The following MEIS1 variants were observed in gnomAD, a reference collection of about 807,000 sequenced individuals.
MEIS1 encodes the protein Meis homeobox 1.
MEIS1 carries 5 observed loss-of-function variants against 50.8 expected under a neutral mutation model. The observed-to-expected ratio is 0.10, with a 90% CI of 0.05 to 0.21. The LOEUF (loss-of-function observed/expected upper bound fraction) is 0.21, where lower values mean the gene tolerates loss of function less well. Ranked by LOEUF, MEIS1 falls within the 10% of genes least tolerant of loss-of-function variation. The pLI, the probability that MEIS1 is intolerant of heterozygous loss-of-function variation, is 1.00. For missense variants in MEIS1, 318 were observed against 517.3 expected, an observed-to-expected ratio of 0.61 and a Z score of 3.74; for synonymous variants, 176 against 179.3, an observed-to-expected ratio of 0.98 and a Z score of 0.15.
At chr2:66,474,141 T>C (rs1672833871) in intron 7 of MEIS1, among the ~76,000 whole-genome samples, 1 of 152,166 alleles carries the variant, frequency 6.6e-6, no homozygotes, top group African/African-American at 2.4e-5. Flanking sequence ...TACGTGGATG[T>C]AGAACACATG....
chr2:66,465,537 C>G (rs975193794), intron 7 of MEIS1, among the ~76,000 whole-genome samples: 1 of 152,142 alleles, frequency 6.6e-6, no homozygotes, highest in African/African-American at 2.4e-5. Flanking sequence ...TAAAGCCCTA[C>G]TTTCATAACT....
At chr2:66,441,121 T>G in intron 4 of MEIS1, 5 of 403,096 alleles carry the variant, frequency 1.2e-5, no homozygotes, top group Admixed American at 4.4e-5. Flanking sequence ...TTGTGGCCCT[T>G]TTGGGGTGGG....
chr2:66,569,391 AGC>A (rs1675429364), intron 12 of MEIS1: 2 of 278,308 alleles, frequency 7.2e-6, no homozygotes, highest in East Asian at 7.3e-5. Flanking sequence ...CAAAACAAGA[AGC>A]AGTCAGGAGG....
At chr2:66,455,031 A>G (rs573831779) in intron 6 of MEIS1, among the ~76,000 whole-genome samples, 1 of 152,310 alleles carries the variant, frequency 6.6e-6, no homozygotes, top group East Asian at 1.9e-4. Context: ...TGGAGTCATT[A>G]AAGTCAGTAA....
At chr2:66,514,139 G>GC (rs1252940131) in intron 8 of MEIS1, among the ~76,000 whole-genome samples, 1 of 152,106 alleles carries the variant, frequency 6.6e-6, no homozygotes, top group East Asian at 1.9e-4. Flanking sequence ...GATTTCTTCA[G>GC]CCCCCATCTC....
chr2:66,471,380 C>T (rs1672757365), intron 7 of MEIS1, among the ~76,000 whole-genome samples: 1 of 152,038 alleles, frequency 6.6e-6, no homozygotes, highest in African/African-American at 2.4e-5. Context: ...TTCTGCTTTC[C>T]CTTTGGTTTG....
At chr2:66,500,232 T>G (rs1430029368) in intron 7 of MEIS1, among the ~76,000 whole-genome samples, 1 of 152,188 alleles carries the variant, frequency 6.6e-6, no homozygotes, top group Non-Finnish European at 1.5e-5. Context: ...CTTGGCTGTA[T>G]GTTATAATCA....
At chr2:66,474,353 TAAC>T (rs1672839296) in intron 7 of MEIS1, among the ~76,000 whole-genome samples, 2 of 152,090 alleles carry the variant, frequency 1.3e-5, no homozygotes, top group African/African-American at 4.8e-5. Flanking sequence ...GTAGCAAGGG[TAAC>T]TATGCTACCC....
intron 9 of MEIS1, among the ~76,000 whole-genome samples, chr2:66,563,457 A>G (rs984604194): frequency 6.6e-6 from 1 of 152,210 alleles, no homozygotes; most frequent in African/African-American, 2.4e-5. Flanking sequence ...TAGGATTAAG[A>G]TAACTATTTT....
Position 66,439,873 on chromosome 2 carries a change from T to C in MEIS1, c.270T>C (p.Ile90=). The C allele has an allele frequency of 1.2e-6, 2 of 1,613,658 alleles. No individual in the cohort carries two copies. The highest frequency in any genetic ancestry group is 1.7e-6 in the Non-Finnish European group (2 of 1,179,820). The change falls in exon 3 of 13, where the codon ATT becomes ATC. Residue 90 remains isoleucine, a synonymous_variant. Coordinates refer to ENST00000272369, the MANE Select transcript of MEIS1 (RefSeq NM_002398.3). ...CCCTCTTCCCTCTCTTAGCACTGAT[T>C]TTTGAGAAATGTGAATTAGCTACTT... ...GHPLFPLLAL[I]FEKCELATCT...
intron 8 of MEIS1, among the ~76,000 whole-genome samples, chr2:66,537,101 G>A (rs1439993199): frequency 2.6e-5 from 4 of 152,140 alleles, no homozygotes; most frequent in African/African-American, 9.7e-5. Context: ...TCTGTTAGCT[G>A]GGCTTCAATC....
intron 8 of MEIS1, among the ~76,000 whole-genome samples, chr2:66,530,071 C>T (rs1386897146): frequency 1.3e-5 from 2 of 152,016 alleles, no homozygotes; most frequent in Non-Finnish European, 2.9e-5. Context: ...CTGCTATTCT[C>T]CTCCTGGATC....
At chr2:66,542,766 G>A (rs958972870) in intron 8 of MEIS1, among the ~76,000 whole-genome samples, 4 of 152,290 alleles carry the variant, frequency 2.6e-5, no homozygotes, top group African/African-American at 7.2e-5. Context: ...AGTGGCCAAG[G>A]TGGTGAGGGA....
rs1675518278 is a variant in MEIS1, at chr2:66,573,459, A to C, written c.*2251A>C. 1 of 152,196 alleles carries C rather than the reference A, an allele frequency of 6.6e-6. No individual in the cohort carries two copies. Among genetic ancestry groups the C allele is most frequent in the South Asian group, 2.1e-4 (1 of 4,822 alleles). 9.4% of individuals were successfully genotyped at this position (152,196 alleles called of 1,614,324 possible). On this transcript the variant is annotated 3_prime_UTR_variant, in exon 13 of 13. Coordinates refer to ENST00000272369, the MANE Select transcript of MEIS1 (RefSeq NM_002398.3). The stretch of plus-strand genomic sequence containing the variant: ...TCGGAGGAGAGAGAGCCTTAAACTC[A>C]AGTCTGACATTCAGGCCCAAGTCAC...
At chr2:66,472,296 C>T (rs1025415911) in intron 7 of MEIS1, among the ~76,000 whole-genome samples, 1 of 152,124 alleles carries the variant, frequency 6.6e-6, no homozygotes, top group Admixed American at 6.5e-5. Flanking sequence ...AGGGAAGCAT[C>T]CATTTAATGT....
chr2:66,518,335 A>G (rs998307518), intron 8 of MEIS1, among the ~76,000 whole-genome samples: 1 of 152,210 alleles, frequency 6.6e-6, no homozygotes, highest in African/African-American at 2.4e-5. Flanking sequence ...TTGTTTCACT[A>G]TAAGAGACTT....
chr2:66,545,417 A>G (rs1468886309), intron 8 of MEIS1, among the ~76,000 whole-genome samples: 1 of 152,180 alleles, frequency 6.6e-6, no homozygotes, highest in Non-Finnish European at 1.5e-5. Context: ...GCACTGCAAT[A>G]TTGTAAGAAC....
At chr2:66,535,951 G>A (rs1424575406) in intron 8 of MEIS1, among the ~76,000 whole-genome samples, 1 of 152,184 alleles carries the variant, frequency 6.6e-6, no homozygotes, top group Non-Finnish European at 1.5e-5. Context: ...AATGGATAAA[G>A]AGAAAAGAGT....
At chr2:66,507,625 A>C (rs1458515193) in intron 7 of MEIS1, among the ~76,000 whole-genome samples, 4 of 152,172 alleles carry the variant, frequency 2.6e-5, no homozygotes, top group African/African-American at 9.7e-5. Flanking sequence ...CACTCTGAGT[A>C]GGTTTAGGGG....
Sources: allele counts gnomAD v4.1 joint callset (sites outside exome capture counted in the v4.1 genomes callset), GRCh38; gene constraint gnomAD v4.1.1; transcripts MANE v1.5; gene names NCBI Gene and HGNC (gene_info 2026-07-23, HGNC 2026-07-21).